The following SRC variants were observed in gnomAD, a reference collection of about 807,000 sequenced individuals.
SRC encodes SRC proto-oncogene, non-receptor tyrosine kinase, also known as proto-oncogene tyrosine-protein kinase Src.
In SRC, 13 loss-of-function variants were observed where a neutral mutation model predicts 62.9. That is an observed-to-expected ratio of 0.21 (90% CI 0.13 to 0.33). The LOEUF (loss-of-function observed/expected upper bound fraction) is 0.33. SRC is among the 10% of genes least tolerant of loss of function. The pLI is 1.00. For synonymous variants in SRC, 302 were observed against 317.5 expected (o/e 0.95, Z 0.52); for missense variants, 457 against 737.3 (o/e 0.62, Z 4.40).
At chr20:37,373,370 A>C (rs1426870008) in intron 2 of SRC, among the ~76,000 whole-genome samples, 1 of 148,456 alleles carries the variant, frequency 6.7e-6, no homozygotes, top group Non-Finnish European at 1.5e-5. Context: ...ACACATACAC[A>C]TATATGTACA....
rs566620122 is a variant in SRC, at chr20:37,397,084, C to T, written c.704-615C>T. The stretch of plus-strand genomic sequence containing the variant: ...GGAATCTTGGGATAAAGACCCCCAC[C>T]GGCCCCTGAGTGGTCTAATCCTAAC... On this transcript the variant is annotated intron_variant, in intron 8 of 13. Coordinates refer to ENST00000373578, the MANE Select transcript of SRC (RefSeq NM_198291.3). The surrounding 1 kb of genome is among the most constrained non-coding windows in gnomAD (Gnocchi z 4.1). Among the ~76,000 whole-genome samples, 43 of 152,274 alleles carry T rather than the reference C, an allele frequency of 2.8e-4. No homozygotes were observed. The highest frequency in any genetic ancestry group is 4.7e-4 in the Non-Finnish European group (32 of 68,006).
intron 5 of SRC, among the ~76,000 whole-genome samples, chr20:37,388,026 T>G (rs1269731763): frequency 6.6e-6 from 1 of 152,054 alleles, no homozygotes; most frequent in East Asian, 1.9e-4. Context: ...CATGATCCTT[T>G]CAGGAAGGCT....
intron 5 of SRC, chr20:37,386,502 G>A (rs1285085615): frequency 1.4e-5 from 10 of 713,128 alleles, no homozygotes; most frequent in South Asian, 4.4e-5. Flanking sequence ...CGTGGGCGGC[G>A]GGCTGGGCGG....
intron 2 of SRC, among the ~76,000 whole-genome samples, chr20:37,374,657 C>T (rs1179886847): frequency 1.3e-5 from 2 of 149,622 alleles, no homozygotes; most frequent in Non-Finnish European, 3.0e-5. Flanking sequence ...TCACTGCAAC[C>T]TCCACCTCCC....
intron 7 of SRC, among the ~76,000 whole-genome samples, chr20:37,395,064 G>C (rs751836143): frequency 7.2e-5 from 11 of 152,338 alleles, no homozygotes; most frequent in South Asian, 2.1e-4. Context: ...TGCGTGTATG[G>C]ACATGTGGCT....
chr20:37,405,810 T>G lies in SRC; in HGVS notation c.*2431T>G, dbSNP rs565869729. On this transcript the variant is annotated 3_prime_UTR_variant, in exon 14 of 14. Transcript: ENST00000373578. Reference sequence around the variant, plus strand: ...GTGCTCTTCGTGTGTTTCCTAGGAGTGCAGGGCAGGGGTGCTGGGTCGATC... The same window carrying G: ...GTGCTCTTCGTGTGTTTCCTAGGAGGGCAGGGCAGGGGTGCTGGGTCGATC... 2 of 152,070 alleles carry G rather than the reference T, an allele frequency of 1.3e-5. No homozygotes were observed. The highest frequency in any genetic ancestry group is 1.9e-4 in the East Asian group (1 of 5,170). The allele number at this position is 152,070 out of a possible 1,614,324, so 9.4% of individuals were successfully genotyped here.
chr20:37,395,908 A>G (rs1184684238), intron 7 of SRC, among the ~76,000 whole-genome samples: 1 of 152,208 alleles, frequency 6.6e-6, no homozygotes, highest in Non-Finnish European at 1.5e-5. Flanking sequence ...CATAGCTAGG[A>G]TGTGCACCTG....
chr20:37,361,162 T>C (rs890891792), intron 1 of SRC, among the ~76,000 whole-genome samples: 3 of 151,982 alleles, frequency 2.0e-5, no homozygotes, highest in Non-Finnish European at 2.9e-5. Flanking sequence ...GTGCAAAGGC[T>C]TGGAAGCTAG....
In SRC at chr20:37,386,182, C is replaced by T. The variant is rs773537573; in HGVS notation, c.350+8C>T. On this transcript the variant is annotated splice_region_variant and intron_variant, in intron 5 of 13. Coordinates refer to ENST00000373578, the MANE Select transcript of SRC (RefSeq NM_198291.3). Reference sequence around the variant, plus strand: ...CCAGATTGTCAACAACACGTGAGTGCCCCCTTCCCTATTGCCCCTCAGGGC... The same window carrying T: ...CCAGATTGTCAACAACACGTGAGTGTCCCCTTCCCTATTGCCCCTCAGGGC... 2 of 1,613,486 alleles carry T rather than the reference C, an allele frequency of 1.2e-6. No homozygotes were observed. Among genetic ancestry groups the T allele is most frequent in the East Asian group, 2.2e-5 (1 of 44,878 alleles).
At chr20:37,372,758 T>C (rs1202772613) in intron 2 of SRC, among the ~76,000 whole-genome samples, 2 of 152,158 alleles carry the variant, frequency 1.3e-5, no homozygotes, top group African/African-American at 4.8e-5. Flanking sequence ...CTGTAAACTA[T>C]ATGTTGTCAT....
At chr20:37,381,149 G>A (rs2070360564) in intron 2 of SRC, among the ~76,000 whole-genome samples, 1 of 152,128 alleles carries the variant, frequency 6.6e-6, no homozygotes, top group South Asian at 2.1e-4. Flanking sequence ...CAACCACCAA[G>A]ACCAAAAAAA....
chr20:37,401,845 C>A (rs968372684), intron 11 of SRC, 167 bp downstream of exon 11: 5 of 523,114 alleles, frequency 9.6e-6, no homozygotes, highest in Non-Finnish European at 1.7e-5. Flanking sequence ...CTTACAGGTG[C>A]CCTGAGGGGT....
At chr20:37,387,149 G>T (rs556317286) in intron 5 of SRC, among the ~76,000 whole-genome samples, 1 of 152,356 alleles carries the variant, frequency 6.6e-6, no homozygotes, top group South Asian at 2.1e-4. Flanking sequence ...GGCTAAGGAA[G>T]TTGGGGGTTT....
rs967051157 is a variant in SRC, at chr20:37,402,257, G to A, written c.1117-178G>A. 6.9e-5 allele frequency: 48 copies of A among 695,624 alleles called. No individual in the cohort carries two copies. The highest frequency in any genetic ancestry group is 9.3e-5 in the Non-Finnish European group (40 of 428,494). 43.1% of individuals were successfully genotyped at this position (695,624 alleles called of 1,614,324 possible). A position where few individuals can be genotyped will look rare whatever the true frequency, so the allele number is the denominator to read the frequency against. On this transcript the variant is annotated intron_variant, in intron 11 of 13. Coordinates refer to ENST00000373578, the MANE Select transcript of SRC (RefSeq NM_198291.3). The surrounding 1 kb of genome is among the most constrained non-coding windows in gnomAD (Gnocchi z 6.2). ...TCTGTGCCCTGTGCTCCCTACTCCC[G>A]CAGAGCACTGCTCCTGCTTTCGATG...
At chr20:37,355,832 G>T (rs1186171352) in intron 1 of SRC, among the ~76,000 whole-genome samples, 1 of 152,188 alleles carries the variant, frequency 6.6e-6, no homozygotes, top group African/African-American at 2.4e-5. Flanking sequence ...GTAGCCAGGC[G>T]GTGTGGATAG....
At position 37,405,023 on chromosome 20, in the gene SRC, G is replaced by T; in HGVS notation, c.*1644G>T. 2 of 232,384 alleles carry T rather than the reference G, an allele frequency of 8.6e-6. No individual in the cohort carries two copies. The highest frequency in any genetic ancestry group is 1.7e-5 in the Non-Finnish European group (2 of 117,890). 14.4% of individuals were successfully genotyped at this position (232,384 alleles called of 1,614,324 possible). A position where few individuals can be genotyped will look rare whatever the true frequency, so the allele number is the denominator to read the frequency against. ...TAGCAATAACATTCCCACTGCCAGGGGTTCTTGAGCCAGCCAGGCCCTGCC... is the reference window on the plus strand; with the variant it reads ...TAGCAATAACATTCCCACTGCCAGGTGTTCTTGAGCCAGCCAGGCCCTGCC... On this transcript the variant is annotated 3_prime_UTR_variant, in exon 14 of 14. Coordinates refer to ENST00000373578, the MANE Select transcript of SRC (RefSeq NM_198291.3).
chr20:37,402,799 C>T lies in SRC; in HGVS notation c.1321C>T (p.Arg441Cys), dbSNP rs202242810. The T allele has an allele frequency of 3.7e-6, 6 of 1,613,884 alleles. No homozygotes were observed. The highest frequency in any genetic ancestry group is 2.2e-5 in the East Asian group (1 of 44,868). The change falls in exon 13 of 14, where the codon CGC (arginine) becomes TGC (cysteine). Residue 441 changes from arginine to cysteine, a missense_variant. Physicochemically the swap from Arg to Cys is radical, Grantham distance 180. This residue lies in a region of SRC where 168 missense variants were observed against 357.8 expected (regional missense o/e 0.47). Transcript: ENST00000373578. This position sits in a 1 kb window ranked among gnomAD's most constrained non-coding sequence, Gnocchi z 6.2. Reference protein sequence around the residue: ...WTAPEAALYGRFTIKSDVWSF... With the variant: ...WTAPEAALYGCFTIKSDVWSF... ...GGCTCCAGAAGCTGCCCTCTATGGC[C>T]GCTTCACCATCAAGTCGGACGTGTG...
At chr20:37,370,213 A>T (rs2070140257) in intron 2 of SRC, among the ~76,000 whole-genome samples, 1 of 152,208 alleles carries the variant, frequency 6.6e-6, no homozygotes, top group South Asian at 2.1e-4. Context: ...CATGTATTAG[A>T]ATTATTACCT....
At chr20:37,348,805 C>G (rs1433892866) in intron 1 of SRC, among the ~76,000 whole-genome samples, 1 of 152,098 alleles carries the variant, frequency 6.6e-6, no homozygotes, top group Non-Finnish European at 1.5e-5. Context: ...GGGAGAGAGG[C>G]CTAGGGTACA....
Sources: allele counts gnomAD v4.1 joint callset (sites outside exome capture counted in the v4.1 genomes callset), GRCh38; gene constraint gnomAD v4.1.1; regional missense constraint gnomAD v4.1.1; non-coding constraint Gnocchi (gnomAD v3.1); transcripts MANE v1.5; gene names NCBI Gene and HGNC (gene_info 2026-07-23, HGNC 2026-07-21).